Variants in FHAD1 observed in about 807,000 individuals in gnomAD.
The protein encoded by FHAD1 is forkhead associated phosphopeptide binding domain 1, also known as forkhead-associated domain-containing protein 1.
Under a neutral mutation model 191.3 loss-of-function variants are expected in FHAD1, and 146 were observed. The ratio of observed to expected loss-of-function variants is 0.76; its 90% confidence interval spans 0.67 to 0.88. The LOEUF (loss-of-function observed/expected upper bound fraction) is 0.88, where lower values mean the gene tolerates loss of function less well. FHAD1 is among the 40% of genes least tolerant of loss of function. FHAD1 has a pLI of 0.00. For synonymous variants in FHAD1, 616 were observed against 672.3 expected, an observed-to-expected ratio of 0.92 and a Z score of 1.29; for missense variants, 1,635 against 1,785.8, an observed-to-expected ratio of 0.92 and a Z score of 1.52.
intron 5 of FHAD1, among the ~76,000 whole-genome samples, chr1:15,297,783 C>A (rs960487298): frequency 6.6e-6 from 1 of 152,152 alleles, no homozygotes; most frequent in Non-Finnish European, 1.5e-5. Flanking sequence ...TCGGTTGGGA[C>A]ACCTGGAATT....
chr1:15,367,639 C>CCACACACCTTCTTCCTA lies in FHAD1; in HGVS notation c.3314+18_3314+19insACACACCTTCTTCCTAC. 2.0e-6 allele frequency: 1 copy of CCACACACCTTCTTCCTA among 507,188 alleles called. No homozygotes were observed. 31.4% of individuals were successfully genotyped at this position (507,188 alleles called of 1,614,324 possible). ...GGCACTCAGGTTGGGTGGGCGGGGG[C>CCACACACCTTCTTCCTA]CGGGTTGGGGGGATGGTTTGCCTGC... is the stretch of plus-strand genomic sequence containing the variant. On this transcript the variant is annotated intron_variant, in intron 25 of 33. Coordinates refer to ENST00000688493, the MANE Select transcript of FHAD1 (RefSeq NM_001391957.1).
chr1:15,311,913 C>T lies in FHAD1; in HGVS notation c.1040-1144C>T, dbSNP rs552768690. ...TCTCACGAGGTTGCAGGAGCTACTG[C>T]TGTCATGTCATCTAAAGCCCGACTA... On this transcript the variant is annotated intron_variant, in intron 7 of 33. Transcript: ENST00000688493. The surrounding 1 kb of genome is among the most constrained non-coding windows in gnomAD (Gnocchi z 4.1). 9.2e-5 allele frequency among the ~76,000 whole-genome samples: 14 copies of T among 152,324 alleles called. No individual in the cohort carries two copies. The South Asian group carries it at 2.5e-3, about 27-fold the overall frequency.
intron 1 of FHAD1, among the ~76,000 whole-genome samples, chr1:15,251,150 C>T (rs1038662886): frequency 5.9e-5 from 9 of 151,864 alleles, no homozygotes; most frequent in African/African-American, 1.7e-4. Flanking sequence ...TGGTGCACAC[C>T]TGTAATCCCA....
At chr1:15,361,624 T>A (rs1385715722) in intron 22 of FHAD1, among the ~76,000 whole-genome samples, 2 of 151,946 alleles carry the variant, frequency 1.3e-5, no homozygotes, top group Non-Finnish European at 2.9e-5. Flanking sequence ...CCCTGACAGG[T>A]GATCCAGGAT....
intron 21 of FHAD1, 31 bp from the exon 22 acceptor site, chr1:15,360,447 A>G: frequency 6.5e-7 from 1 of 1,539,934 alleles, no homozygotes; most frequent in Non-Finnish European, 8.8e-7. Context: ...ACAGCTCCCA[A>G]GACCTCACTG....
At position 15,316,222 on chromosome 1, in the gene FHAD1, C is replaced by T. The variant is rs908238765; in HGVS notation, c.1171-156C>T. 2.0e-5 allele frequency among the ~76,000 whole-genome samples: 3 copies of T among 152,250 alleles called. No individual in the cohort carries two copies. The highest frequency in any genetic ancestry group is 7.2e-5 in the African/African-American group (3 of 41,468). On this transcript the variant is annotated intron_variant, in intron 8 of 33. Transcript: ENST00000688493. The surrounding 1 kb of genome is among the most constrained non-coding windows in gnomAD (Gnocchi z 4.3). ...TTTGGGATCCTGTGTGCCCGTCAGACACCATGGGATGCCTTTTGGGATCTC... is the reference window on the plus strand; with the variant it reads ...TTTGGGATCCTGTGTGCCCGTCAGATACCATGGGATGCCTTTTGGGATCTC...
At chr1:15,251,905 C>A in intron 2 of FHAD1, 28 bp downstream of exon 2, 1 of 1,530,938 alleles carries the variant, frequency 6.5e-7, no homozygotes, top group Non-Finnish European at 8.9e-7. Context: ...CTGTTCCCGT[C>A]CCCTCCCTGA....
At chr1:15,395,005 T>C (rs569790200) in intron 33 of FHAD1, among the ~76,000 whole-genome samples, 2 of 152,094 alleles carry the variant, frequency 1.3e-5, no homozygotes, top group South Asian at 4.2e-4. Context: ...GATACAGAAA[T>C]GAATGCCTCA....
intron 5 of FHAD1, among the ~76,000 whole-genome samples, chr1:15,297,223 A>G (rs1381411844): frequency 2.6e-5 from 4 of 152,214 alleles, no homozygotes; most frequent in Non-Finnish European, 4.4e-5. Context: ...GAGATGACTA[A>G]GCAAATGAGA....
chr1:15,336,024 C>G (rs868169735), intron 14 of FHAD1, among the ~76,000 whole-genome samples: 1 of 152,180 alleles, frequency 6.6e-6, no homozygotes, highest in African/African-American at 2.4e-5. Flanking sequence ...CCAATGTCAG[C>G]CCGGCCATCT....
At chr1:15,400,194 T>A (rs922038950), downstream of FHAD1, 3 of 152,258 alleles carry the variant, frequency 2.0e-5, no homozygotes, top group Non-Finnish European at 2.9e-5. Flanking sequence ...GTGAGCCTTC[T>A]CTGAGAATCA....
intron 14 of FHAD1, among the ~76,000 whole-genome samples, chr1:15,338,081 C>A (rs1685002577): frequency 6.6e-6 from 1 of 152,168 alleles, no homozygotes; most frequent in Admixed American, 6.5e-5. Context: ...TACTCCAGCC[C>A]AAGTAAGCTC....
At chr1:15,296,145 G>T (rs1666889806) in intron 4 of FHAD1, among the ~76,000 whole-genome samples, 1 of 152,116 alleles carries the variant, frequency 6.6e-6, no homozygotes, top group Non-Finnish European at 1.5e-5. Context: ...CATCACGTTG[G>T]GTAACAGCAG....
At chr1:15,355,264 A>G (rs779988018) in intron 20 of FHAD1, among the ~76,000 whole-genome samples, 5 of 151,958 alleles carry the variant, frequency 3.3e-5, no homozygotes, top group Non-Finnish European at 5.9e-5. Flanking sequence ...TAGACAGGTG[A>G]CATTACCCTA....
At chr1:15,259,359 G>A (rs1649899337) in intron 2 of FHAD1, among the ~76,000 whole-genome samples, 2 of 152,162 alleles carry the variant, frequency 1.3e-5, no homozygotes, top group African/African-American at 4.8e-5. Context: ...CTCATGTAAA[G>A]ATGTGGAAAT....
intron 10 of FHAD1, among the ~76,000 whole-genome samples, chr1:15,320,988 G>T (rs2101596403): frequency 6.6e-6 from 1 of 152,300 alleles, no homozygotes; most frequent in African/African-American, 2.4e-5. Flanking sequence ...AGGCTGGAGT[G>T]CAGTGGTGCG....
At chr1:15,376,022 T>A (rs920319818) in intron 28 of FHAD1, among the ~76,000 whole-genome samples, 8 of 150,640 alleles carry the variant, frequency 5.3e-5, no homozygotes, top group Non-Finnish European at 1.0e-4. Flanking sequence ...CTTTATTTTA[T>A]TTTTTATTTT....
intron 3 of FHAD1, among the ~76,000 whole-genome samples, chr1:15,283,771 C>T (rs1456522127): frequency 2.6e-5 from 4 of 152,196 alleles, no homozygotes; most frequent in East Asian, 1.9e-4. Context: ...GAACCTATAA[C>T]GTTCCTGGAA....
At chr1:15,369,689 C>T (rs370504243) in intron 26 of FHAD1, among the ~76,000 whole-genome samples, 187 bp downstream of exon 26, 5 of 152,220 alleles carry the variant, frequency 3.3e-5, no homozygotes, top group Middle Eastern at 3.2e-3. Context: ...CAGCTGTCCA[C>T]GGTGTGATGT....
Sources: gnomAD v4.1 joint callset for allele counts (sites outside exome capture counted in the v4.1 genomes callset) on GRCh38, gnomAD v4.1.1 for gene constraint, Gnocchi (gnomAD v3.1) non-coding constraint, MANE v1.5 for transcripts, NCBI Gene and HGNC (gene_info 2026-07-23, HGNC 2026-07-21) for gene names.